MICAL2: variants seen among roughly 807,000 people sequenced by gnomAD.
MICAL2 encodes the protein [F-actin]-monooxygenase MICAL2.
MICAL2 carries 77 observed loss-of-function variants against 127.3 expected under a neutral mutation model. The ratio of observed to expected loss-of-function variants is 0.60; its 90% CI spans 0.50 to 0.73. MICAL2 has a LOEUF of 0.73. Ranked by LOEUF, MICAL2 falls within the 30% of genes least tolerant of loss-of-function variation. The pLI is 0.00. For missense variants in MICAL2, 1,351 were observed against 1,434.4 expected (o/e 0.94, Z 0.94); for synonymous variants, 570 against 551.1 (o/e 1.03, Z -0.48).
Position 12,193,970 on chromosome 11 carries a change from T to C in MICAL2, c.265-10280T>C, listed in dbSNP as rs115203877. Among the ~76,000 whole-genome samples the C allele has an allele frequency of 2.8e-3, 422 of 152,356 alleles. 3 individuals carry two copies. The highest frequency in any genetic ancestry group is 9.9e-3 in the African/African-American group (411 of 41,590). ...CTCAACTGCAAAATGTGAGCAGCAA[T>C]GCCATTTTCTTAGGAGTTCCTGCAA... is the stretch of plus-strand genomic sequence containing the variant. On this transcript the variant is annotated intron_variant, in intron 3 of 27. Coordinates refer to ENST00000683283, the MANE Select transcript of MICAL2 (RefSeq NM_001282663.2).
At chr11:12,163,121 G>A (rs995438248) in intron 3 of MICAL2, among the ~76,000 whole-genome samples, 1 of 152,076 alleles carries the variant, frequency 6.6e-6, no homozygotes, top group Non-Finnish European at 1.5e-5. Flanking sequence ...TCATAGTTAA[G>A]CCTACACGAA....
chr11:12,241,147 T>A lies in MICAL2; in HGVS notation c.2322T>A (p.Pro774=). Residue 774 remains proline (P), a synonymous_variant, in exon 18 of 28, where the codon CCT becomes CCA. Coordinates refer to ENST00000683283, the MANE Select transcript of MICAL2 (RefSeq NM_001282663.2). ...KPEEATPSPS[P]PLKRQFPSVV... ...AGGAGGCCACACCCAGCCCATCACC[T>A]CCTCTGAAAAGGCAGGTAGGGCTCC... The A allele has an allele frequency of 6.2e-7, 1 of 1,613,840 alleles. No homozygotes were observed. The highest frequency in any genetic ancestry group is 1.3e-5 in the African/African-American group (1 of 75,026).
At chr11:12,226,805 A>C (rs1421008310) in intron 14 of MICAL2, among the ~76,000 whole-genome samples, 1 of 151,544 alleles carries the variant, frequency 6.6e-6, no homozygotes, top group East Asian at 1.9e-4. Flanking sequence ...GGTGCCTACC[A>C]CCACGTCTGG....
intron 20 of MICAL2, 89 bp from the exon 21 acceptor site, chr11:12,243,898 C>A: frequency 6.7e-7 from 1 of 1,495,744 alleles, no homozygotes. Flanking sequence ...TTCTTGAGTG[C>A]ACAGGCATGG....
At chr11:12,354,490 T>C (rs1939100671) in intron 33 of MICAL2, among the ~76,000 whole-genome samples, 1 of 137,914 alleles carries the variant, frequency 7.3e-6, no homozygotes, top group Non-Finnish European at 1.6e-5. Context: ...AAAAAAAAAT[T>C]AGCCAGGCGT....
chr11:12,238,644 G>C (rs201460614), intron 16 of MICAL2, among the ~76,000 whole-genome samples: 1 of 104,742 alleles, frequency 9.5e-6, no homozygotes, highest in Admixed American at 9.3e-5. Context: ...GAAATGCAGT[G>C]TGGGATCCTG....
chr11:12,294,496 C>CTT (rs1863951701), downstream of MICAL2: 12 of 1,614,100 alleles, frequency 7.4e-6, no homozygotes, highest in Non-Finnish European at 1.0e-5. Context: ...CATCCAAGGT[C>CTT]TTTCCTGCAC....
chr11:12,160,936 A>G (rs1203339059), intron 2 of MICAL2, among the ~76,000 whole-genome samples: 2 of 152,242 alleles, frequency 1.3e-5, no homozygotes, highest in African/African-American at 2.4e-5. Context: ...CCGTCCCACA[A>G]TTCCAACTTG....
chr11:12,256,775 C>T lies in MICAL2; in HGVS notation c.2956-10C>T, dbSNP rs199545924. 4.4e-5 allele frequency: 70 copies of T among 1,601,898 alleles called. No homozygotes were observed. The highest frequency in any genetic ancestry group is 1.3e-4 in the Admixed American group (8 of 59,348). On this transcript the variant is annotated splice_polypyrimidine_tract_variant and intron_variant, in intron 23 of 27. Coordinates refer to ENST00000683283, the MANE Select transcript of MICAL2 (RefSeq NM_001282663.2). ...CCATAATACACCCACTCTTCTCTCC[C>T]GATCCCCAGGAATCTATGCGAAAGT...
chr11:12,325,266 C>T (rs1010496330), intron 31 of MICAL2, among the ~76,000 whole-genome samples: 25 of 152,080 alleles, frequency 1.6e-4, no homozygotes, highest in South Asian at 2.1e-4. Context: ...CCCACCACCA[C>T]GCCCAGCTAA....
rs540588911 is a variant in MICAL2, at chr11:12,150,508, G to A, written c.-77-11571G>A. On this transcript the variant is annotated intron_variant, in intron 2 of 27. Transcript: ENST00000683283. ...GACAGACTCCATCAGATATAGCTGG[G>A]TTGCGAGCTGCTCTGGGTGGGGCGG... Among the ~76,000 whole-genome samples the A allele has an allele frequency of 5.3e-5, 8 of 152,258 alleles. No individual in the cohort carries two copies. The South Asian group carries it at 1.7e-3, about 32-fold the overall frequency.
intron 29 of MICAL2, among the ~76,000 whole-genome samples, chr11:12,313,988 G>A (rs1042622440): frequency 3.7e-5 from 1 of 27,382 alleles, no homozygotes; most frequent in African/African-American, 1.4e-4. Flanking sequence ...TTTTTTGATA[G>A]CTATACAAAC....
At chr11:12,234,741 G>A (rs1858788046) in intron 15 of MICAL2, among the ~76,000 whole-genome samples, 1 of 152,212 alleles carries the variant, frequency 6.6e-6, no homozygotes, top group South Asian at 2.1e-4. Flanking sequence ...GACAAGAGAT[G>A]AGGATGCAGA....
At chr11:12,165,381 T>C (rs781123231) in intron 3 of MICAL2, among the ~76,000 whole-genome samples, 1 of 152,194 alleles carries the variant, frequency 6.6e-6, no homozygotes, top group Non-Finnish European at 1.5e-5. Flanking sequence ...ACTGTCTTGC[T>C]CACATACCAT....
chr11:12,227,116 G>A lies in MICAL2; in HGVS notation c.1980G>A (p.Arg660=), dbSNP rs754726482. The change falls in exon 15 of 28, where the codon AGG becomes AGA. Residue 660 remains arginine, a synonymous_variant. Coordinates refer to ENST00000683283, the MANE Select transcript of MICAL2 (RefSeq NM_001282663.2). The stretch of plus-strand genomic sequence containing the variant: ...ACTATCTCAACCTCACATTTCCAAG[G>A]AAGAGGACTCCACGGGTAAGTTTTG... The part of the protein sequence containing the change: ...SNNYLNLTFP[R]KRTPRVDGQT... 16 of 1,613,362 alleles carry A rather than the reference G, an allele frequency of 9.9e-6. No homozygotes were observed. The highest frequency in any genetic ancestry group is 1.3e-5 in the Non-Finnish European group (15 of 1,179,392).
chr11:12,161,072 A>G (rs1300383204), intron 2 of MICAL2, among the ~76,000 whole-genome samples: 5 of 152,192 alleles, frequency 3.3e-5, no homozygotes, highest in African/African-American at 2.4e-5. Flanking sequence ...TCTTGCTCAG[A>G]GACCCCTCCA....
chr11:12,248,746 G>T (rs1411142762), intron 21 of MICAL2, among the ~76,000 whole-genome samples: 1 of 152,380 alleles, frequency 6.6e-6, no homozygotes, highest in South Asian at 2.1e-4. Flanking sequence ...TCCCGCCTTT[G>T]TTTGACCTGG....
chr11:12,196,762 T>G (rs1859988133), intron 3 of MICAL2, among the ~76,000 whole-genome samples: 1 of 152,190 alleles, frequency 6.6e-6, no homozygotes, highest in South Asian at 2.1e-4. Flanking sequence ...AACTCTTCAG[T>G]CTGCCATCCA....
intron 24 of MICAL2, among the ~76,000 whole-genome samples, chr11:12,258,145 G>A (rs1862580592): frequency 6.6e-6 from 1 of 152,160 alleles, no homozygotes; most frequent in Non-Finnish European, 1.5e-5. Flanking sequence ...TATGGGAGAA[G>A]GGGCTCAGAG....
Sources: gnomAD v4.1 joint callset for allele counts (sites outside exome capture counted in the v4.1 genomes callset) on GRCh38, gnomAD v4.1.1 for gene constraint, MANE v1.5 for transcripts, NCBI Gene and HGNC (gene_info 2026-07-23, HGNC 2026-07-21) for gene names.